CADPS2: variants seen among roughly 807,000 people sequenced by gnomAD.
The protein encoded by CADPS2 is calcium dependent secretion activator 2.
A neutral mutation model predicts 172.5 loss-of-function variants in CADPS2; 93 were observed. The ratio of observed to expected loss-of-function variants is 0.54; its 90% CI spans 0.46 to 0.64. The LOEUF (loss-of-function observed/expected upper bound fraction) is 0.64. Among genes scored for constraint, CADPS2 ranks in the 30% least tolerant of loss-of-function variants. The pLI, the probability that CADPS2 is intolerant of heterozygous loss-of-function variation, is 0.00. For missense variants in CADPS2, 1,420 were observed against 1,565.9 expected (o/e 0.91, Z 1.57); for synonymous variants, 546 against 555.2 (o/e 0.98, Z 0.23).
chr7:122,882,421 G>T (rs1823158408), intron 1 of CADPS2, among the ~76,000 whole-genome samples: 1 of 152,030 alleles, frequency 6.6e-6, no homozygotes, highest in Non-Finnish European at 1.5e-5. Flanking sequence ...CTCAAATAAT[G>T]AAAAGAGCAG....
At chr7:122,850,603 A>T (rs1813297885) in intron 1 of CADPS2, among the ~76,000 whole-genome samples, 1 of 152,062 alleles carries the variant, frequency 6.6e-6, no homozygotes, top group African/African-American at 2.4e-5. Flanking sequence ...AGCTGGGGAA[A>T]CTCAAACTCT....
intron 1 of CADPS2, among the ~76,000 whole-genome samples, chr7:122,862,784 A>C (rs989097003): frequency 1.3e-5 from 2 of 152,188 alleles, no homozygotes; most frequent in African/African-American, 4.8e-5. Context: ...TGTATTGCTA[A>C]ATTATCTGCA....
At chr7:122,551,146 T>C (rs1167333815) in intron 8 of CADPS2, among the ~76,000 whole-genome samples, 2 of 152,118 alleles carry the variant, frequency 1.3e-5, no homozygotes, top group Admixed American at 1.3e-4. Flanking sequence ...ATAGTCATAT[T>C]AAAATGCAAC....
At chr7:122,408,466 T>C (rs2046932543) in intron 19 of CADPS2, among the ~76,000 whole-genome samples, 1 of 152,154 alleles carries the variant, frequency 6.6e-6, no homozygotes, top group Non-Finnish European at 1.5e-5. Flanking sequence ...ACTCTGTCAC[T>C]TGGGCTGGAG....
intron 8 of CADPS2, among the ~76,000 whole-genome samples, chr7:122,541,816 CATATGTT>C (rs1563648390): frequency 2.7e-4 from 20 of 74,048 alleles, no homozygotes; most frequent in African/African-American, 1.2e-3. Flanking sequence ...TTTATATATT[CATATGTT>C]TATATATTCA....
chr7:122,669,480 A>T (rs2135516708), intron 2 of CADPS2, among the ~76,000 whole-genome samples: 1 of 152,040 alleles, frequency 6.6e-6, no homozygotes, highest in African/African-American at 2.4e-5. Context: ...TGGGAAAAGA[A>T]CCAGGGGATG....
At chr7:122,736,643 G>A (rs567941350) in intron 2 of CADPS2, among the ~76,000 whole-genome samples, 1 of 152,128 alleles carries the variant, frequency 6.6e-6, no homozygotes, top group South Asian at 2.1e-4. Flanking sequence ...AGATTTAAAA[G>A]GATAATTTAG....
In CADPS2 at chr7:122,663,477, T is replaced by C. The variant is rs756597589; in HGVS notation, c.546A>G (p.Glu182=). ...TTTCTGGCAAACTCCGCACACGTTT[T>C]TCTATGTTTTTCTTAAATACTTCTC... ...DFREVFKKNI[E]KRVRSLPEID... Residue 182 remains glutamate (E), a synonymous_variant, in exon 3 of 30, where the codon GAA becomes GAG. Transcript: ENST00000449022. The C allele has an allele frequency of 5.0e-6, 8 of 1,613,736 alleles. No homozygotes were observed. Among genetic ancestry groups the C allele is most frequent in the Non-Finnish European group, 6.8e-6 (8 of 1,179,828 alleles).
intron 1 of CADPS2, among the ~76,000 whole-genome samples, chr7:122,827,157 C>A (rs1351814353): frequency 6.6e-6 from 1 of 152,064 alleles, no homozygotes; most frequent in African/African-American, 2.4e-5. Context: ...ACTTGATGCT[C>A]AAAAATATGA....
chr7:122,553,420 T>C (rs1225085844), intron 8 of CADPS2, among the ~76,000 whole-genome samples: 1 of 152,156 alleles, frequency 6.6e-6, no homozygotes, highest in East Asian at 1.9e-4. Context: ...ATTACTACAT[T>C]AAAGATGCAT....
chr7:122,716,479 C>T (rs546953640), intron 2 of CADPS2, among the ~76,000 whole-genome samples: 2 of 152,146 alleles, frequency 1.3e-5, no homozygotes, highest in African/African-American at 4.8e-5. Flanking sequence ...AGCTCCCAGT[C>T]AGCAGAAAGC....
At chr7:122,859,263 T>A (rs1816250324) in intron 1 of CADPS2, among the ~76,000 whole-genome samples, 1 of 152,222 alleles carries the variant, frequency 6.6e-6, no homozygotes, top group Non-Finnish European at 1.5e-5. Context: ...GATGATTGAC[T>A]GAATATGGGA....
At chr7:122,344,180 C>T (rs2037216188) in intron 28 of CADPS2, among the ~76,000 whole-genome samples, 2 of 152,186 alleles carry the variant, frequency 1.3e-5, no homozygotes, top group South Asian at 2.1e-4. Context: ...CCATGAAGCC[C>T]GTGAATTGCT....
At position 122,416,147 on chromosome 7, in the gene CADPS2, A is replaced by G; in HGVS notation, c.2494T>C (p.Ser832Pro). 6.5e-7 allele frequency: 1 copy of G among 1,546,956 alleles called. No homozygotes were observed. Among genetic ancestry groups the G allele is most frequent in the Non-Finnish European group, 8.8e-7 (1 of 1,140,758 alleles). ...ATCTCTTCCAGCTTTCTAGCAGGAG[A>G]TGCCTGGTTCATGGTCTCTATATGA... ...AKIEETMNQA[S>P]PARKLEEILH... The change falls in exon 18 of 30, where the codon TCT becomes CCT. Residue 832 changes from serine to proline, a missense_variant. Coordinates refer to ENST00000449022, the MANE Select transcript of CADPS2 (RefSeq NM_017954.11).
intron 23 of CADPS2, among the ~76,000 whole-genome samples, chr7:122,387,958 C>G (rs1252863001): frequency 6.6e-6 from 1 of 151,890 alleles, no homozygotes; most frequent in Admixed American, 6.6e-5. Context: ...CCATATTGTC[C>G]TTGTATATAT....
chr7:122,645,436 T>C (rs1390685529), intron 3 of CADPS2, among the ~76,000 whole-genome samples: 1 of 101,072 alleles, frequency 9.9e-6, no homozygotes, highest in African/African-American at 3.3e-5. Context: ...TGTATATATG[T>C]ATATATACAC....
intron 20 of CADPS2, among the ~76,000 whole-genome samples, chr7:122,405,358 C>T (rs1367741349): frequency 6.6e-6 from 1 of 152,014 alleles, no homozygotes; most frequent in East Asian, 1.9e-4. Context: ...AGGAAACAAA[C>T]TGGAACTTAA....
chr7:122,511,019 A>T (rs1484506218), intron 9 of CADPS2, among the ~76,000 whole-genome samples: 1 of 152,216 alleles, frequency 6.6e-6, no homozygotes, highest in African/African-American at 2.4e-5. Flanking sequence ...CAAAGTAAAT[A>T]CATAATGCTT....
chr7:122,688,276 A>T (rs1451802694), intron 2 of CADPS2, among the ~76,000 whole-genome samples: 1 of 152,244 alleles, frequency 6.6e-6, no homozygotes, highest in Non-Finnish European at 1.5e-5. Flanking sequence ...TAGAAAATTC[A>T]CACCAGCAAG....
Sources: gnomAD v4.1 joint callset for allele counts (sites outside exome capture counted in the v4.1 genomes callset) on GRCh38, gnomAD v4.1.1 for gene constraint, MANE v1.5 for transcripts, NCBI Gene and HGNC (gene_info 2026-07-23, HGNC 2026-07-21) for gene names.